The following RIMBP2 variants were observed in gnomAD, a reference collection of about 807,000 sequenced individuals.
RIMBP2 encodes the protein RIMS binding protein 2, also known as RIMS-binding protein 2.
Under a neutral mutation model 118.6 loss-of-function variants are expected in RIMBP2, and 48 were observed. The observed-to-expected ratio is 0.40, with a 90% confidence interval of 0.32 to 0.51. RIMBP2 has a LOEUF of 0.51. Among genes scored for constraint, RIMBP2 ranks in the 20% least tolerant of loss-of-function variants. RIMBP2 has a pLI of 0.41. For synonymous variants in RIMBP2, 762 were observed against 742.9 expected, an observed-to-expected ratio of 1.03 and a Z score of -0.42; for missense variants, 1,551 against 1,768.3, an observed-to-expected ratio of 0.88 and a Z score of 2.20.
chr12:130,436,284 C>T (rs961184462), intron 13 of RIMBP2, among the ~76,000 whole-genome samples: 1 of 152,310 alleles, frequency 6.6e-6, no homozygotes, highest in South Asian at 2.1e-4. Context: ...AGTTAGCAGG[C>T]ATGCAAATAT....
At position 130,646,441 on chromosome 12, in the gene RIMBP2, T is replaced by TCCCTC; in HGVS notation, c.-351-17986_-351-17985insGAGGG. Reference sequence around the variant, plus strand: ...TCACCACTTCCCTCTCCACCTCCCTTGCCACCTCCCTCGCCACCTCCCTCG... The same window carrying TCCCTC: ...TCACCACTTCCCTCTCCACCTCCCTTCCCTCGCCACCTCCCTCGCCACCTCCCTCG... On this transcript the variant is annotated intron_variant, in intron 1 of 22. Transcript: ENST00000690449. Among the ~76,000 whole-genome samples the TCCCTC allele has an allele frequency of 5.6e-3, 19 of 3,408 alleles. 6 individuals are homozygous for TCCCTC. The highest frequency in any genetic ancestry group is 0.011 in the Non-Finnish European group (12 of 1,062). 2.2% of individuals were successfully genotyped at this position (3,408 alleles called of 152,430 possible).
chr12:130,409,332 C>CTTTTTTTTTT (rs35015661), intron 19 of RIMBP2, among the ~76,000 whole-genome samples: 2 of 65,402 alleles, frequency 3.1e-5, no homozygotes, highest in East Asian at 1.0e-3. Context: ...CAAAATGTAG[C>CTTTTTTTTTT]TTTTTTTTTT....
Position 130,620,476 on chromosome 12 carries a change from C to T in RIMBP2, c.-217+7846G>A, listed in dbSNP as rs1234042565. On this transcript the variant is annotated intron_variant, in intron 2 of 22. Coordinates refer to ENST00000690449, the MANE Select transcript of RIMBP2 (RefSeq NM_001393629.1). The surrounding 1 kb of genome is among the most constrained non-coding windows in gnomAD (Gnocchi z 5.3). ...AGACCTCACGTTAGTTTCCTCCAGC[C>T]GCCGTGACAAAGTACGACAAGCCAG... is the stretch of plus-strand genomic sequence containing the variant. Among the ~76,000 whole-genome samples the T allele has an allele frequency of 1.3e-5, 2 of 152,154 alleles. No homozygotes were observed. Among genetic ancestry groups the T allele is most frequent in the Non-Finnish European group, 2.9e-5 (2 of 68,030 alleles).
chr12:130,533,129 A>G (rs1164486899), intron 2 of RIMBP2, among the ~76,000 whole-genome samples: 1 of 151,344 alleles, frequency 6.6e-6, no homozygotes, highest in Non-Finnish European at 1.5e-5. Context: ...TCTAGGAGGG[A>G]CGTCTAATGA....
intron 3 of RIMBP2, among the ~76,000 whole-genome samples, chr12:130,507,321 A>T (rs1197811268): frequency 6.6e-6 from 1 of 152,168 alleles, no homozygotes; most frequent in East Asian, 1.9e-4. Flanking sequence ...TGAGCACCCA[A>T]ATCAAGCTGA....
At chr12:130,513,700 C>T (rs146229184) in intron 3 of RIMBP2, among the ~76,000 whole-genome samples, 328 of 152,328 alleles carry the variant, frequency 2.2e-3, no homozygotes, top group African/African-American at 7.5e-3. Flanking sequence ...TCCAATTCAA[C>T]ACTCCAGACA....
chr12:130,710,639 T>G lies in RIMBP2; in HGVS notation c.-352+5583A>C, dbSNP rs1461369122. Among the ~76,000 whole-genome samples the G allele has an allele frequency of 6.6e-6, 1 of 152,192 alleles. No individual in the cohort carries two copies. The highest frequency in any genetic ancestry group is 1.5e-5 in the Non-Finnish European group (1 of 68,026). ...ACACAGATAGAGAAGTGGCAGGTGC[T>G]GCACCTCCCCCGCCCCAGGCTCAGC... is the stretch of plus-strand genomic sequence containing the variant. On this transcript the variant is annotated intron_variant, in intron 1 of 22. Coordinates refer to ENST00000690449, the MANE Select transcript of RIMBP2 (RefSeq NM_001393629.1). This position sits in a 1 kb window ranked among gnomAD's most constrained non-coding sequence, Gnocchi z 4.3.
At chr12:130,425,667 C>G (rs558443341) in intron 15 of RIMBP2, 7 of 152,596 alleles carry the variant, frequency 4.6e-5, no homozygotes, top group Non-Finnish European at 1.0e-4. Context: ...CACTCTCTGC[C>G]GGGGACAGCC....
intron 2 of RIMBP2, among the ~76,000 whole-genome samples, chr12:130,583,935 A>G (rs1356948492): frequency 6.7e-6 from 1 of 149,228 alleles, no homozygotes; most frequent in African/African-American, 2.5e-5. Context: ...TTATATCATC[A>G]CTATCACAAC....
At chr12:130,640,489 C>T (rs987665998) in intron 1 of RIMBP2, among the ~76,000 whole-genome samples, 2 of 152,208 alleles carry the variant, frequency 1.3e-5, no homozygotes, top group Admixed American at 6.5e-5. Flanking sequence ...CGTTTTAATG[C>T]TAGTTATTAA....
At chr12:130,432,814 G>A (rs2077234093) in intron 14 of RIMBP2, among the ~76,000 whole-genome samples, 1 of 152,164 alleles carries the variant, frequency 6.6e-6, no homozygotes, top group South Asian at 2.1e-4. Context: ...GGTATTCTGT[G>A]ACGGCAGCCC....
chr12:130,424,972 G>C lies in RIMBP2; in HGVS notation c.2413-114C>G, dbSNP rs869173. ...AGAATTAGTCCTGGAGGCACCGAGG[G>C]GGGGGAAGCATGCGTCTACTCAGGC... On this transcript the variant is annotated intron_variant, in intron 15 of 22. Transcript: ENST00000690449. This position sits in a 1 kb window ranked among gnomAD's most constrained non-coding sequence, Gnocchi z 9.8. The C allele has an allele frequency of 0.024, 13,320 of 550,046 alleles. 226 individuals carry two copies. Among genetic ancestry groups the C allele is most frequent in the Non-Finnish European group, 0.029 (10,744 of 365,636 alleles). 34.1% of individuals were successfully genotyped at this position (550,046 alleles called of 1,614,324 possible). A position where few individuals can be genotyped will look rare whatever the true frequency, so the allele number is the denominator to read the frequency against.
intron 11 of RIMBP2, among the ~76,000 whole-genome samples, chr12:130,439,456 TGG>T (rs2077860977): frequency 1.3e-5 from 2 of 148,446 alleles, no homozygotes; most frequent in South Asian, 2.1e-4. Context: ...TGTGGGTGTG[TGG>T]GTGTGTATGT....
At chr12:130,480,383 C>A (rs1045746863) in intron 4 of RIMBP2, among the ~76,000 whole-genome samples, 1 of 152,246 alleles carries the variant, frequency 6.6e-6, no homozygotes, top group African/African-American at 2.4e-5. Flanking sequence ...ATGGCATATA[C>A]CCCCGATGTC....
chr12:130,412,644 A>G lies in RIMBP2; in HGVS notation c.3564T>C (p.Pro1188=). The part of the protein sequence containing the change: ...MDQLLRQGFL[P]LNTPVEKIER... ...CTATTTTCTCCACAGGTGTATTCAG[A>G]GGGAGAAAGCCCTGTCTAAGAAGCT... The change falls in exon 19 of 23, where the codon CCT becomes CCC. Residue 1188 remains proline, a synonymous_variant. Coordinates refer to ENST00000690449, the MANE Select transcript of RIMBP2 (RefSeq NM_001393629.1). The G allele has an allele frequency of 6.2e-7, 1 of 1,613,992 alleles. No individual in the cohort carries two copies. The highest frequency in any genetic ancestry group is 8.5e-7 in the Non-Finnish European group (1 of 1,179,976).
In RIMBP2 at chr12:130,618,478, G is replaced by A. The variant is rs539197673; in HGVS notation, c.-217+9844C>T. Among the ~76,000 whole-genome samples, 4 of 152,286 alleles carry A rather than the reference G, an allele frequency of 2.6e-5. No homozygotes were observed. In the South Asian group the frequency reaches 8.3e-4, roughly 32 times the overall value. On this transcript the variant is annotated intron_variant, in intron 2 of 22. Transcript: ENST00000690449. The stretch of plus-strand genomic sequence containing the variant: ...AGACAAAAAGATCAGGTTCCCTTCA[G>A]TCTTAGGTTTCTCGCCCTCCCTGAA...
chr12:130,705,928 G>A (rs1044421686), intron 1 of RIMBP2, among the ~76,000 whole-genome samples: 2 of 152,220 alleles, frequency 1.3e-5, no homozygotes, highest in East Asian at 1.9e-4. Flanking sequence ...GGCTCACTTC[G>A]CACACACTTT....
intron 16 of RIMBP2, among the ~76,000 whole-genome samples, chr12:130,423,319 G>C (rs1238928003): frequency 1.3e-5 from 2 of 152,212 alleles, no homozygotes; most frequent in African/African-American, 4.8e-5. Flanking sequence ...GGGAGGCTGC[G>C]GGCTGCCGTG....
At chr12:130,535,526 A>G (rs529212514) in intron 2 of RIMBP2, among the ~76,000 whole-genome samples, 64 of 151,882 alleles carry the variant, frequency 4.2e-4, no homozygotes, top group African/African-American at 8.4e-4. Flanking sequence ...TCTAAAAATA[A>G]TAATATTAAT....
Sources: gnomAD v4.1 joint callset for allele counts (sites outside exome capture counted in the v4.1 genomes callset) on GRCh38, gnomAD v4.1.1 for gene constraint, Gnocchi (gnomAD v3.1) non-coding constraint, MANE v1.5 for transcripts, NCBI Gene and HGNC (gene_info 2026-07-23, HGNC 2026-07-21) for gene names.